Variants in VILL observed in about 807,000 individuals in gnomAD.
The protein encoded by VILL is villin-like protein.
In VILL, 102 loss-of-function variants were observed where a neutral mutation model predicts 106.3. The ratio of observed to expected loss-of-function variants is 0.96; its 90% CI spans 0.82 to 1.13. VILL has a LOEUF of 1.13. Among genes scored for constraint, VILL ranks in the 50% most tolerant of loss-of-function variants. The pLI, the probability that VILL is intolerant of heterozygous loss-of-function variation, is 0.00. For synonymous variants in VILL, 431 were observed against 440.3 expected (o/e 0.98, Z 0.27); for missense variants, 1,076 against 1,116.6 (o/e 0.96, Z 0.52).
At chr3:38,003,481 C>T in intron 15 of VILL, 168 bp downstream of exon 15, 1 of 879,280 alleles carries the variant, frequency 1.1e-6, no homozygotes, top group Non-Finnish European at 1.7e-6. Flanking sequence ...ACGCTTCGCT[C>T]CCAGGCCTGG....
At chr3:37,991,947 G>A (rs970154156) in intron 1 of VILL, among the ~76,000 whole-genome samples, 3 of 152,100 alleles carry the variant, frequency 2.0e-5, no homozygotes, top group Non-Finnish European at 4.4e-5. Flanking sequence ...ATGCGAGTGC[G>A]ACCTCAGCCC....
chr3:38,001,035 G>C (rs1304665019), intron 11 of VILL: 1 of 465,280 alleles, frequency 2.1e-6, no homozygotes, highest in East Asian at 6.7e-5. Flanking sequence ...CTTTGAACAG[G>C]CTTTGTGTTT....
Position 37,997,761 on chromosome 3 carries a change from GC to G in VILL, c.764+77del. The stretch of plus-strand genomic sequence containing the variant: ...TGTCCATCACTACTGCAATAACACG[GC>G]ATCTCTAGAAGGCCCTCCAGCAAAG... On this transcript the variant is annotated intron_variant, in intron 7 of 19. Coordinates refer to ENST00000383759, the MANE Select transcript of VILL (RefSeq NM_015873.4). The surrounding 1 kb of genome is among the most constrained non-coding windows in gnomAD (Gnocchi z 4.7). The G allele has an allele frequency of 6.7e-7, 1 of 1,482,452 alleles. No individual in the cohort carries two copies. The highest frequency in any genetic ancestry group is 2.4e-5 in the East Asian group (1 of 42,248). 91.8% of individuals were successfully genotyped at this position (1,482,452 alleles called of 1,614,324 possible). A position where few individuals can be genotyped will look rare whatever the true frequency, so the allele number is the denominator to read the frequency against.
At chr3:38,005,706 G>A in intron 16 of VILL, 86 bp from the exon 17 acceptor site, 1 of 1,450,532 alleles carries the variant, frequency 6.9e-7, no homozygotes, top group Non-Finnish European at 9.3e-7. Flanking sequence ...TTCTGTCTGG[G>A]ACAACTGGAC....
chr3:38,004,505 T>G, intron 16 of VILL, 106 bp downstream of exon 16: 1 of 1,433,208 alleles, frequency 7.0e-7, no homozygotes, highest in South Asian at 1.3e-5. Context: ...CACAGGGCTG[T>G]GGGTGAGTCT....
chr3:37,993,123 G>C (rs1173609663), intron 1 of VILL, among the ~76,000 whole-genome samples: 1 of 152,248 alleles, frequency 6.6e-6, no homozygotes, highest in Non-Finnish European at 1.5e-5. Context: ...CGACAGAAGT[G>C]AGGGTCCCTT....
intron 15 of VILL, 139 bp downstream of exon 15, chr3:38,003,452 G>T (rs779631590): frequency 6.1e-6 from 7 of 1,156,118 alleles, no homozygotes; most frequent in Non-Finnish European, 8.3e-6. Flanking sequence ...ACTCACAGAG[G>T]CTCCCACAAG....
Position 37,998,516 on chromosome 3 carries a change from C to A in VILL, c.942+152C>A. On this transcript the variant is annotated intron_variant, in intron 9 of 19. Coordinates refer to ENST00000383759, the MANE Select transcript of VILL (RefSeq NM_015873.4). This position sits in a 1 kb window ranked among gnomAD's most constrained non-coding sequence, Gnocchi z 4.1. ...TGCTGGAGTCTTAAAGGGGAGGTAG[C>A]CCTGCCCTGGGAGCCCTGAGAGTAA... 1 of 747,982 alleles carries A rather than the reference C, an allele frequency of 1.3e-6. No homozygotes were observed. The highest frequency in any genetic ancestry group is 2.1e-6 in the Non-Finnish European group (1 of 466,660). The allele number at this position is 747,982 out of a possible 1,614,324, so 46.3% of individuals were successfully genotyped here.
chr3:38,004,820 C>T (rs974419889), intron 16 of VILL, among the ~76,000 whole-genome samples: 2 of 152,194 alleles, frequency 1.3e-5, no homozygotes, highest in Non-Finnish European at 2.9e-5. Context: ...GTGTGTGACA[C>T]TTTGTCAGTG....
At chr3:38,001,317 T>C in intron 11 of VILL, 139 bp from the exon 12 acceptor site, 2 of 1,293,952 alleles carry the variant, frequency 1.5e-6, no homozygotes, top group Non-Finnish European at 2.1e-6. Flanking sequence ...AGAATGGGCC[T>C]GGAGCTGAGG....
At position 38,005,812 on chromosome 3, in the gene VILL, A is replaced by C. The variant is rs752698042; in HGVS notation, c.1971A>C (p.Glu657Asp). The C allele has an allele frequency of 6.2e-7, 1 of 1,612,066 alleles. No individual in the cohort carries two copies. Among genetic ancestry groups the C allele is most frequent in the South Asian group, 1.1e-5 (1 of 90,846 alleles). ...TWQEIFLWLG[E>D]AASEWKEAVA... ...CTCAGATCTTCCTGTGGCTTGGGGA[A>C]GCTGCAAGTGAGTGGAAGGAGGCGG... The change falls in exon 17 of 20, where the codon GAA (glutamate) becomes GAC (aspartate). Residue 657 changes from glutamate to aspartate, a missense_variant. Glu to Asp is a conservative substitution (Grantham distance 45, BLOSUM62 2). Transcript: ENST00000383759.
chr3:38,003,958 C>T (rs992835875), intron 15 of VILL: 2 of 312,388 alleles, frequency 6.4e-6, no homozygotes, highest in African/African-American at 4.2e-5. Flanking sequence ...TCCTCCCATC[C>T]CAGGGAGGGC....
Position 38,006,649 on chromosome 3 carries a change from G to T in VILL, c.2406G>T (p.Met802Ile), listed in dbSNP as rs2125540255. 6.2e-7 allele frequency: 1 copy of T among 1,613,614 alleles called. No homozygotes were observed. Among genetic ancestry groups the T allele is most frequent in the African/African-American group, 1.3e-5 (1 of 75,070 alleles). The change falls in exon 19 of 20, where the codon ATG becomes ATT. Residue 802 changes from methionine (M) to isoleucine (I), a missense_variant. Transcript: ENST00000383759. ...GGGGCCTGCGCCGGGAACAACTGAT[G>T]CACCAGGCTGTTGAGGACCTGCCAG... ...INGGLRREQL[M>I]HQAVEDLPEG...
At position 37,997,612 on chromosome 3, in the gene VILL, G is replaced by T. The variant is rs1440158306; in HGVS notation, c.691G>T (p.Val231Leu). 1 of 1,613,750 alleles carries T rather than the reference G, an allele frequency of 6.2e-7. No homozygotes were observed. The highest frequency in any genetic ancestry group is 1.3e-5 in the African/African-American group (1 of 75,042). The change falls in exon 7 of 20, where the codon GTG becomes TTG. Residue 231 changes from valine to leucine, a missense_variant. By Grantham distance (32) the Val-to-Leu change is conservative. Coordinates refer to ENST00000383759, the MANE Select transcript of VILL (RefSeq NM_015873.4). This position sits in a 1 kb window ranked among gnomAD's most constrained non-coding sequence, Gnocchi z 4.7. The stretch of plus-strand genomic sequence containing the variant: ...CATGGAGGCTGTGCTGGGCCGCAGG[G>T]TGGGCAGCCTGCGTGCCGCCACGCC... ...QIMEAVLGRR[V>L]GSLRAATPSK...
rs1469480644 is a variant in VILL, at chr3:38,001,716, T to G, written c.1335T>G (p.Thr445=). 1.2e-6 allele frequency: 2 copies of G among 1,614,078 alleles called. No homozygotes were observed. Among genetic ancestry groups the G allele is most frequent in the African/African-American group, 2.7e-5 (2 of 74,952 alleles). Residue 445 remains threonine (T), a synonymous_variant, in exon 13 of 20, where the codon ACT becomes ACG. Transcript: ENST00000383759. ...CCCACCTGCAGGGCCACCAGGCCAC[T>G]GCGGATGAGATTGAGGCCCTGAACA... is the stretch of plus-strand genomic sequence containing the variant. The part of the protein sequence containing the change: ...ILYLWQGHQA[T]ADEIEALNSN...
In VILL at chr3:37,999,061, G is replaced by A. The variant is rs761052403; in HGVS notation, c.1081+11G>A. ...AGCTCGGCGGGAGGGGTGAGCGGGCGGGGCGGGGCTGACGGGGGCGGGGCG... is the reference window on the plus strand; with the variant it reads ...AGCTCGGCGGGAGGGGTGAGCGGGCAGGGCGGGGCTGACGGGGGCGGGGCG... On this transcript the variant is annotated intron_variant, in intron 10 of 19. Transcript: ENST00000383759. 1.6e-5 allele frequency: 24 copies of A among 1,477,162 alleles called. No individual in the cohort carries two copies. The highest frequency in any genetic ancestry group is 7.9e-5 in the East Asian group (3 of 38,084). The allele number at this position is 1,477,162 out of a possible 1,614,324, so 91.5% of individuals were successfully genotyped here.
At chr3:38,001,210 G>T in intron 11 of VILL, 1 of 598,726 alleles carries the variant, frequency 1.7e-6, no homozygotes, top group Admixed American at 3.0e-5. Flanking sequence ...TGGGCATGTG[G>T]CTGGGATTGG....
chr3:38,005,586 G>A (rs1346264561), intron 16 of VILL, among the ~76,000 whole-genome samples: 1 of 152,162 alleles, frequency 6.6e-6, no homozygotes, highest in Non-Finnish European at 1.5e-5. Context: ...TGGATTGAAC[G>A]TGTGTGTGCA....
intron 15 of VILL, chr3:38,003,816 G>T: frequency 1.1e-5 from 2 of 188,614 alleles, no homozygotes; most frequent in Non-Finnish European, 1.1e-5. Context: ...TCTGCCTGTG[G>T]GGCTTGGTTT....
Sources: gnomAD v4.1 joint callset for allele counts (sites outside exome capture counted in the v4.1 genomes callset) on GRCh38, gnomAD v4.1.1 for gene constraint, Gnocchi (gnomAD v3.1) non-coding constraint, MANE v1.5 for transcripts, NCBI Gene and HGNC (gene_info 2026-07-23, HGNC 2026-07-21) for gene names.